Variants in PTOV1 observed in about 807,000 individuals in gnomAD.
PTOV1 encodes prostate tumor-overexpressed gene 1 protein.
A neutral mutation model predicts 58.0 loss-of-function variants in PTOV1; 20 were observed. The ratio of observed to expected loss-of-function variants is 0.34; its 90% CI spans 0.24 to 0.50. PTOV1 has a LOEUF of 0.50. Ranked by LOEUF, PTOV1 falls within the 20% of genes least tolerant of loss-of-function variation. PTOV1 has a pLI of 0.98. For missense variants in PTOV1, 593 were observed against 565.4 expected (o/e 1.05, Z -0.50); for synonymous variants, 335 against 234.2 (o/e 1.43, Z -3.93).
chr19:49,857,270 G>A (rs762066256), intron 6 of PTOV1, 140 bp downstream of exon 6: 13 of 1,253,804 alleles, frequency 1.0e-5, no homozygotes, highest in Admixed American at 6.1e-5. Context: ...GGAGGATGCC[G>A]GGCGGGTTCC....
chr19:49,852,002 A>T (rs868281623), intron 1 of PTOV1: 2 of 985,440 alleles, frequency 2.0e-6, no homozygotes, highest in African/African-American at 1.7e-5. Flanking sequence ...GCCCGCGCCC[A>T]CATGTGGGAT....
intron 1 of PTOV1, chr19:49,852,007 T>TGG (rs749234145): frequency 3.7e-5 from 36 of 985,372 alleles, no homozygotes; most frequent in Non-Finnish European, 4.1e-5. Context: ...CGCCCACATG[T>TGG]GGGATGCTTT....
intron 3 of PTOV1, 22 bp downstream of exon 3, chr19:49,854,756 C>T: frequency 6.2e-7 from 1 of 1,613,268 alleles, no homozygotes; most frequent in Non-Finnish European, 8.5e-7. Flanking sequence ...GGCGTGGCAG[C>T]CAGGGCGGTG....
Position 49,860,303 on chromosome 19 carries a change from C to A in PTOV1, c.*24C>A, listed in dbSNP as rs747094780. 7 of 1,611,908 alleles carry A rather than the reference C, an allele frequency of 4.3e-6. No homozygotes were observed. In the East Asian group the frequency reaches 1.6e-4, roughly 36 times the overall value. On this transcript the variant is annotated 3_prime_UTR_variant, in exon 12 of 12. Transcript: ENST00000391842. The stretch of plus-strand genomic sequence containing the variant: ...AGTGGTTACCCCGGGCTGGGCCCCT[C>A]CAGGAGTCACAGATGAGGCCCCCGC...
exon 12 of PTOV1, chr19:49,860,355 A>G: frequency 1.3e-6 from 1 of 788,170 alleles, no homozygotes; most frequent in Non-Finnish European, 2.0e-6. Flanking sequence ...TGACCCTGTC[A>G]TGTACAGGAG....
At chr19:49,851,914 C>G (rs1233094294) in intron 1 of PTOV1, 1 of 975,894 alleles carries the variant, frequency 1.0e-6, no homozygotes, top group Middle Eastern at 5.2e-4. Flanking sequence ...TTTGTACCAG[C>G]GCCCCCAGAT....
At chr19:49,850,920 C>T (rs923583927), upstream of PTOV1, 4 of 1,535,920 alleles carry the variant, frequency 2.6e-6, no homozygotes, top group Non-Finnish European at 3.5e-6. Flanking sequence ...AAGGGGCCAG[C>T]TTGGTGTCGC....
Position 49,857,623 on chromosome 19 carries a change from G to A in PTOV1, c.715-70G>A, listed in dbSNP as rs2074534499. ...CCAAGGCTCGGAGGGAGGGATGGCA[G>A]GCCCCAGGACAGACAGACAGGTTTC... On this transcript the variant is annotated intron_variant, in intron 6 of 11. Transcript: ENST00000391842. 2.1e-6 allele frequency: 3 copies of A among 1,428,366 alleles called. No individual in the cohort carries two copies. The African/African-American group carries it at 4.2e-5, about 20-fold the overall frequency. The allele number at this position is 1,428,366 out of a possible 1,614,324, so 88.5% of individuals were successfully genotyped here.
Position 49,859,980 on chromosome 19 carries a change from T to G in PTOV1, c.1042-6T>G. 1.2e-6 allele frequency: 2 copies of G among 1,614,034 alleles called. No individual in the cohort carries two copies. The highest frequency in any genetic ancestry group is 1.7e-6 in the Non-Finnish European group (2 of 1,180,002). ...GTCTGGTGACACCACGCCCTGTGCC[T>G]GCCAGGCCGGCTGCGTGCACTTTTC... On this transcript the variant is annotated splice_polypyrimidine_tract_variant and splice_region_variant and intron_variant, in intron 10 of 11. Transcript: ENST00000391842.
chr19:49,858,123 C>T lies in PTOV1; in HGVS notation c.936+9C>T. 6.2e-7 allele frequency: 1 copy of T among 1,612,480 alleles called. No individual in the cohort carries two copies. The highest frequency in any genetic ancestry group is 1.1e-5 in the South Asian group (1 of 91,040). On this transcript the variant is annotated intron_variant, in intron 9 of 11. Coordinates refer to ENST00000391842, the Ensembl canonical transcript of PTOV1. Reference sequence around the variant, plus strand: ...TCCCGCAGCAGCTGCTGGTGAGGGGCTGGGGCCGGGTGCTGGAGCCTGCAC... The same window carrying T: ...TCCCGCAGCAGCTGCTGGTGAGGGGTTGGGGCCGGGTGCTGGAGCCTGCAC...
intron 5 of PTOV1, chr19:49,855,767 G>A (rs896101684): frequency 6.5e-6 from 1 of 154,156 alleles, no homozygotes; most frequent in African/African-American, 2.4e-5. Context: ...GCTTCCTAGG[G>A]CCACCGGGAG....
Position 49,854,962 on chromosome 19 carries a change from G to GC in PTOV1, c.451-3dup. The GC allele has an allele frequency of 6.3e-7, 1 of 1,595,130 alleles. No homozygotes were observed. Among genetic ancestry groups the GC allele is most frequent in the Non-Finnish European group, 8.5e-7 (1 of 1,172,604 alleles). On this transcript the variant is annotated splice_polypyrimidine_tract_variant and splice_region_variant and intron_variant, in intron 4 of 11. Coordinates refer to ENST00000391842, the Ensembl canonical transcript of PTOV1. ...GGCTGACCCAGCTGTCTGTCCTGTC[G>GC]CCCCCAGACCACCCTGGGCCCCCTG...
At chr19:49,857,936 G>A in exon 8 of PTOV1, 1 of 1,613,926 alleles carries the variant, frequency 6.2e-7, no homozygotes, top group Non-Finnish European at 8.5e-7. Context: ...GGTCCAAGAG[G>A]TGGCTGCCAT....
intron 6 of PTOV1, chr19:49,857,459 A>T (rs1282623559): frequency 3.3e-6 from 2 of 611,146 alleles, no homozygotes; most frequent in East Asian, 5.5e-5. Flanking sequence ...CAGTTGAGGC[A>T]GACTCTGCAG....
Position 49,851,357 on chromosome 19 carries a change from GCTCCGGCGCCGGGGGCCCC to G in PTOV1, c.33_51del (p.Ala13ValfsTer65). 1 of 1,099,712 alleles carries G rather than the reference GCTCCGGCGCCGGGGGCCCC, an allele frequency of 9.1e-7. No individual in the cohort carries two copies. Among genetic ancestry groups the G allele is most frequent in the South Asian group, 4.3e-5 (1 of 23,002 alleles). 68.1% of individuals were successfully genotyped at this position (1,099,712 alleles called of 1,614,324 possible). A position where few individuals can be genotyped will look rare whatever the true frequency, so the allele number is the denominator to read the frequency against. On this transcript the variant is annotated frameshift_variant, in exon 1 of 12. Transcript: ENST00000391842. LOFTEE classifies it high-confidence loss of function. ...GTCCGTCCGCGCCGTGCCCCGTACCGCTCCGGCGCCGGGGGCCCCCTCGGGGGTCGCGGCCGCCCTCCGC... is the reference window on the plus strand; with the variant it reads ...GTCCGTCCGCGCCGTGCCCCGTACCGCTCGGGGGTCGCGGCCGCCCTCCGC...
At chr19:49,858,140 A>C in intron 9 of PTOV1, 26 bp downstream of exon 9, 1 of 1,609,660 alleles carries the variant, frequency 6.2e-7, no homozygotes, top group Non-Finnish European at 8.5e-7. Context: ...CGGGTGCTGG[A>C]GCCTGCACGC....
intron 9 of PTOV1, 96 bp downstream of exon 9, chr19:49,858,210 G>C: frequency 6.9e-7 from 1 of 1,444,326 alleles, no homozygotes. Flanking sequence ...GGCCTGAGCT[G>C]GCTGTGAGGG....
chr19:49,858,683 G>T lies in PTOV1; in HGVS notation c.1041+30G>T. The T allele has an allele frequency of 1.3e-6, 2 of 1,546,572 alleles. 1 individual carries two copies. The highest frequency in any genetic ancestry group is 3.9e-4 in the Middle Eastern group (2 of 5,154). ...GTGGTGCCAGCAGACGCAGGGGAGG[G>T]GCCGGCCAGGGCAGAGCGAGCCCGG... On this transcript the variant is annotated intron_variant, in intron 10 of 11. Transcript: ENST00000391842.
chr19:49,854,393 C>A lies in PTOV1; in HGVS notation c.172-13C>A, dbSNP rs984271358. 4.4e-6 allele frequency: 7 copies of A among 1,603,444 alleles called. No homozygotes were observed. The highest frequency in any genetic ancestry group is 1.3e-5 in the African/African-American group (1 of 74,828). ...GGCCTCAGTTTTCCCACCTATCCCC[C>A]ACTCCATTGCAGGAAGGTGCTCGGG... On this transcript the variant is annotated splice_polypyrimidine_tract_variant and intron_variant, in intron 1 of 11. Coordinates refer to ENST00000391842, the Ensembl canonical transcript of PTOV1.
Sources: allele counts gnomAD v4.1 joint callset, GRCh38; gene constraint gnomAD v4.1.1; transcripts MANE v1.5; gene names NCBI Gene and HGNC (gene_info 2026-07-23, HGNC 2026-07-21).